Variants in MAGI2 observed in about 807,000 individuals in gnomAD.
The protein encoded by MAGI2 is membrane-associated guanylate kinase, WW and PDZ domain-containing protein 2.
A neutral mutation model predicts 133.3 loss-of-function variants in MAGI2; 35 were observed. That is an observed-to-expected ratio of 0.26 (90% CI 0.20 to 0.35). The LOEUF is 0.35. MAGI2 is among the 10% of genes least tolerant of loss of function. The pLI is 1.00. For missense variants in MAGI2, 1,636 were observed against 1,863.4 expected (o/e 0.88, Z 2.25); for synonymous variants, 729 against 710.6 (o/e 1.03, Z -0.41).
intron 14 of MAGI2, among the ~76,000 whole-genome samples, chr7:78,171,993 C>G (rs1288614012): frequency 6.6e-6 from 1 of 152,150 alleles, no homozygotes; most frequent in Non-Finnish European, 1.5e-5. Context: ...AACAACTGAT[C>G]TGTGGCCCTA....
At chr7:78,893,492 A>G (rs1259285883) in intron 2 of MAGI2, among the ~76,000 whole-genome samples, 1 of 152,174 alleles carries the variant, frequency 6.6e-6, no homozygotes, top group Non-Finnish European at 1.5e-5. Context: ...AATGTCCAAC[A>G]ACGATAGACT....
intron 1 of MAGI2, among the ~76,000 whole-genome samples, chr7:79,048,617 T>C (rs1425585869): frequency 6.6e-6 from 1 of 152,246 alleles, no homozygotes; most frequent in African/African-American, 2.4e-5. Flanking sequence ...GTTCTAATTT[T>C]GTACCATAAT....
intron 2 of MAGI2, among the ~76,000 whole-genome samples, chr7:78,840,835 C>CA (rs1563567781): frequency 2.9e-4 from 43 of 150,222 alleles, no homozygotes; most frequent in Non-Finnish European, 1.5e-5. Context: ...TCTGAATCTC[C>CA]TTTGTTTTTT....
intron 2 of MAGI2, among the ~76,000 whole-genome samples, chr7:78,986,038 G>A (rs569305298): frequency 1.4e-4 from 22 of 151,978 alleles, no homozygotes; most frequent in Admixed American, 2.0e-4. Flanking sequence ...CAGTTACTGC[G>A]CTGTGTTTAT....
rs547883294 is a variant in MAGI2, at chr7:78,825,462, G to T, written c.418+181628C>A. ...GTGTTTTAATTACAATAGTGATTTTGTAGTACGTTTTAATAAAACTGCAGT... is the reference window on the plus strand; with the variant it reads ...GTGTTTTAATTACAATAGTGATTTTTTAGTACGTTTTAATAAAACTGCAGT... On this transcript the variant is annotated intron_variant, in intron 2 of 21. Coordinates refer to ENST00000354212, the MANE Select transcript of MAGI2 (RefSeq NM_012301.4). 6.8e-4 allele frequency among the ~76,000 whole-genome samples: 104 copies of T among 152,232 alleles called. 1 individual carries two copies. The highest frequency in any genetic ancestry group is 2.4e-3 in the African/African-American group (98 of 41,548).
At position 79,170,137 on chromosome 7, in the gene MAGI2, C is replaced by CTTTTTTTTTTTTTTTTTTT. The variant is rs10539344; in HGVS notation, c.302-162950_302-162932dup. On this transcript the variant is annotated intron_variant, in intron 1 of 21. Coordinates refer to ENST00000354212, the MANE Select transcript of MAGI2 (RefSeq NM_012301.4). Reference sequence around the variant, plus strand: ...TCAATGGTTACTTTGAGATATTATACTTTTTTTTTTTTTTTTTTTTTTTTT... The same window carrying CTTTTTTTTTTTTTTTTTTT: ...TCAATGGTTACTTTGAGATATTATACTTTTTTTTTTTTTTTTTTTTTTTTTTTTTTTTTTTTTTTTTTTT... Among the ~76,000 whole-genome samples, 8 of 42,924 alleles carry CTTTTTTTTTTTTTTTTTTT rather than the reference C, an allele frequency of 1.9e-4. 3 individuals carry two copies. The highest frequency in any genetic ancestry group is 1.9e-3 in the East Asian group (2 of 1,078). 28.2% of individuals were successfully genotyped at this position (42,924 alleles called of 152,430 possible). A position where few individuals can be genotyped will look rare whatever the true frequency, so the allele number is the denominator to read the frequency against.
At chr7:78,066,541 G>T (rs1447743281) in intron 21 of MAGI2, among the ~76,000 whole-genome samples, 1 of 151,782 alleles carries the variant, frequency 6.6e-6, no homozygotes, top group Non-Finnish European at 1.5e-5. Context: ...AAAAAATGCA[G>T]CAGTGTCTTG....
At chr7:78,751,030 C>G (rs1823405534) in intron 2 of MAGI2, among the ~76,000 whole-genome samples, 1 of 152,008 alleles carries the variant, frequency 6.6e-6, no homozygotes, top group Admixed American at 6.6e-5. Flanking sequence ...ACAAATCTAA[C>G]CCATGGGAGA....
chr7:79,190,125 C>T (rs1000016420), intron 1 of MAGI2, among the ~76,000 whole-genome samples: 3 of 151,730 alleles, frequency 2.0e-5, no homozygotes, highest in African/African-American at 4.8e-5. Context: ...AAATTTTCAA[C>T]TCATTCTGAT....
intron 2 of MAGI2, among the ~76,000 whole-genome samples, chr7:78,914,693 A>T (rs533481175): frequency 1.3e-5 from 2 of 152,318 alleles, no homozygotes; most frequent in Admixed American, 1.3e-4. Context: ...GTACAGAAAT[A>T]TATTGTTAGA....
chr7:78,205,377 C>G (rs887294531), intron 10 of MAGI2, among the ~76,000 whole-genome samples: 1 of 147,286 alleles, frequency 6.8e-6, no homozygotes, highest in African/African-American at 2.6e-5. Context: ...AGTGATCTGC[C>G]CACCTCAGCC....
intron 1 of MAGI2, among the ~76,000 whole-genome samples, chr7:79,285,997 A>G (rs375865507): frequency 5.8e-4 from 89 of 152,234 alleles, no homozygotes; most frequent in African/African-American, 2.1e-3. Context: ...ACTTCATGGG[A>G]TCTACTGGGG....
At chr7:78,759,453 TATGC>T (rs1365372809) in intron 2 of MAGI2, among the ~76,000 whole-genome samples, 1 of 152,198 alleles carries the variant, frequency 6.6e-6, no homozygotes, top group Non-Finnish European at 1.5e-5. Context: ...ATGGTTGGGA[TATGC>T]CTTGTATTAA....
At chr7:78,175,298 C>T (rs1826484594) in intron 14 of MAGI2, among the ~76,000 whole-genome samples, 1 of 152,184 alleles carries the variant, frequency 6.6e-6, no homozygotes, top group East Asian at 1.9e-4. Context: ...TTGTTCCAGT[C>T]CCCCCTAGAA....
intron 1 of MAGI2, among the ~76,000 whole-genome samples, chr7:79,390,098 G>C (rs1844490238): frequency 6.6e-6 from 1 of 152,178 alleles, no homozygotes; most frequent in African/African-American, 2.4e-5. Flanking sequence ...TGTGTGTTCA[G>C]AGAAGACAGC....
At chr7:78,145,598 G>T (rs753848428) in intron 16 of MAGI2, among the ~76,000 whole-genome samples, 1 of 152,160 alleles carries the variant, frequency 6.6e-6, no homozygotes, top group African/African-American at 2.4e-5. Flanking sequence ...TTGGCCCCCT[G>T]TTGTTCTCTT....
intron 1 of MAGI2, among the ~76,000 whole-genome samples, chr7:79,138,810 C>A (rs1821844470): frequency 1.3e-5 from 2 of 152,004 alleles, no homozygotes; most frequent in African/African-American, 4.8e-5. Context: ...TCGAGACCAT[C>A]CTGGCTAACA....
At chr7:78,116,331 A>G (rs910532895) in intron 20 of MAGI2, among the ~76,000 whole-genome samples, 26 of 149,710 alleles carry the variant, frequency 1.7e-4, no homozygotes, top group African/African-American at 4.9e-5. Context: ...AAAGCCTAAG[A>G]ACTACTACTC....
intron 2 of MAGI2, among the ~76,000 whole-genome samples, chr7:78,698,806 C>T (rs577021592): frequency 1.3e-5 from 2 of 152,108 alleles, no homozygotes; most frequent in South Asian, 2.1e-4. Flanking sequence ...CCTTACAAAA[C>T]CATCAGATCT....
Sources: gnomAD v4.1 joint callset for allele counts (sites outside exome capture counted in the v4.1 genomes callset) on GRCh38, gnomAD v4.1.1 for gene constraint, MANE v1.5 for transcripts, NCBI Gene and HGNC (gene_info 2026-07-23, HGNC 2026-07-21) for gene names.